The following NFATC1 variants were observed in gnomAD, a reference collection of about 807,000 sequenced individuals.
NFATC1 encodes the protein nuclear factor of activated T cells 1.
A neutral mutation model predicts 76.0 loss-of-function variants in NFATC1; 22 were observed. The observed-to-expected ratio is 0.29, with a 90% CI of 0.21 to 0.41. The LOEUF is 0.41. Ranked by LOEUF, NFATC1 falls within the 10% of genes least tolerant of loss-of-function variation. NFATC1 has a pLI of 1.00. For missense variants in NFATC1, 1,357 were observed against 1,337.7 expected (o/e 1.01, Z -0.23); for synonymous variants, 704 against 613.1 (o/e 1.15, Z -2.19).
chr18:79,519,393 T>C (rs569860257), intron 9 of NFATC1, among the ~76,000 whole-genome samples: 2 of 152,242 alleles, frequency 1.3e-5, no homozygotes, highest in South Asian at 4.2e-4. Flanking sequence ...AATGCAGTGG[T>C]ACAATCTCAG....
chr18:79,492,940 T>G (rs1295304757), intron 9 of NFATC1, among the ~76,000 whole-genome samples: 4 of 149,588 alleles, frequency 2.7e-5, no homozygotes, highest in Non-Finnish European at 5.9e-5. Flanking sequence ...ATTTCTTTGC[T>G]TTCCAGTCCT....
chr18:79,411,874 C>A (rs2148193933), intron 2 of NFATC1, among the ~76,000 whole-genome samples: 1 of 152,340 alleles, frequency 6.6e-6, no homozygotes, highest in East Asian at 1.9e-4. Flanking sequence ...ACGCCATCCG[C>A]CCCTAAGGAG....
intron 7 of NFATC1, among the ~76,000 whole-genome samples, chr18:79,464,982 G>A (rs1175859565): frequency 6.6e-6 from 1 of 152,052 alleles, no homozygotes; most frequent in East Asian, 1.9e-4. Flanking sequence ...TGGGATGACA[G>A]GTGTGAGCCA....
At chr18:79,489,579 C>G (rs1240220459) in intron 9 of NFATC1, among the ~76,000 whole-genome samples, 1 of 152,234 alleles carries the variant, frequency 6.6e-6, no homozygotes, top group African/African-American at 2.4e-5. Flanking sequence ...CAGCGGGCCT[C>G]TCTCCCCATT....
intron 7 of NFATC1, among the ~76,000 whole-genome samples, chr18:79,464,175 C>T (rs976111419): frequency 2.6e-5 from 4 of 152,154 alleles, no homozygotes; most frequent in East Asian, 1.9e-4. Context: ...TTGCAGCCTC[C>T]GCCTCCCAGG....
chr18:79,491,135 T>G (rs1269624447), intron 9 of NFATC1, among the ~76,000 whole-genome samples: 1 of 151,986 alleles, frequency 6.6e-6, no homozygotes, highest in Non-Finnish European at 1.5e-5. Flanking sequence ...GGGTAGTCCT[T>G]GTTTAGTATT....
chr18:79,461,007 C>T (rs1349247230), intron 6 of NFATC1, among the ~76,000 whole-genome samples: 2 of 152,238 alleles, frequency 1.3e-5, no homozygotes, highest in Admixed American at 1.3e-4. Context: ...AGGACGGATT[C>T]CTGAGGATGC....
rs931785607 is a variant in NFATC1 at position 79,528,084 on chromosome 18, C to T, written c.*507C>T. 5 of 402,192 alleles carry T rather than the reference C, an allele frequency of 1.2e-5. No individual in the cohort carries two copies. Among genetic ancestry groups the T allele is most frequent in the Non-Finnish European group, 2.2e-5 (5 of 228,576 alleles). The allele number at this position is 402,192 out of a possible 1,614,324, so 24.9% of individuals were successfully genotyped here. A position where few individuals can be genotyped will look rare whatever the true frequency, so the allele number is the denominator to read the frequency against. ...AGAACGCTGGAAGGCTGCGAGAGGACTCTAGTATGAGTCTCCAACATTTGG... is the reference window on the plus strand; with the variant it reads ...AGAACGCTGGAAGGCTGCGAGAGGATTCTAGTATGAGTCTCCAACATTTGG... On this transcript the variant is annotated 3_prime_UTR_variant, in exon 10 of 10. Transcript: ENST00000427363.
chr18:79,526,006 C>T (rs1480411474), intron 9 of NFATC1, among the ~76,000 whole-genome samples: 1 of 152,220 alleles, frequency 6.6e-6, no homozygotes, highest in Non-Finnish European at 1.5e-5. Context: ...GCACAGTGGG[C>T]GGGAGGCCGC....
intron 8 of NFATC1, 84 bp downstream of exon 8, chr18:79,467,666 A>C (rs1261329785): frequency 3.8e-6 from 6 of 1,585,884 alleles, no homozygotes; most frequent in Non-Finnish European, 5.2e-6. Flanking sequence ...CGTCGCCGTA[A>C]AGCAGCGTGG....
At chr18:79,476,696 C>G (rs1050384890) in intron 8 of NFATC1, among the ~76,000 whole-genome samples, 1 of 152,176 alleles carries the variant, frequency 6.6e-6, no homozygotes, top group Non-Finnish European at 1.5e-5. Context: ...TCACCCCGAC[C>G]GACACACAGG....
intron 6 of NFATC1, among the ~76,000 whole-genome samples, chr18:79,460,561 C>T (rs1468987797): frequency 6.6e-6 from 1 of 152,222 alleles, no homozygotes; most frequent in Non-Finnish European, 1.5e-5. Flanking sequence ...CTCTGGGAGC[C>T]TTTTTATTTT....
intron 9 of NFATC1, among the ~76,000 whole-genome samples, chr18:79,491,544 C>T (rs1021019854): frequency 1.3e-5 from 2 of 152,218 alleles, no homozygotes; most frequent in African/African-American, 4.8e-5. Flanking sequence ...CGATCGGACA[C>T]AAGGCCAGGG....
chr18:79,484,839 G>C (rs1282900583), intron 8 of NFATC1, among the ~76,000 whole-genome samples: 1 of 152,140 alleles, frequency 6.6e-6, no homozygotes, highest in Admixed American at 6.5e-5. Flanking sequence ...CGACCGCCGG[G>C]ACCTGTGCGG....
chr18:79,451,184 C>G, intron 5 of NFATC1, 58 bp downstream of exon 5: 1 of 1,535,696 alleles, frequency 6.5e-7, no homozygotes. Flanking sequence ...ATGCGCTTCA[C>G]TGTCTCACCC....
At chr18:79,466,490 T>A (rs979493435) in intron 7 of NFATC1, among the ~76,000 whole-genome samples, 1 of 152,328 alleles carries the variant, frequency 6.6e-6, no homozygotes, top group Admixed American at 6.5e-5. Context: ...GGGGTCTCCG[T>A]GTCCCAGCCC....
chr18:79,411,184 C>T lies in NFATC1; in HGVS notation c.909C>T (p.Asn303=). 6.2e-7 allele frequency: 1 copy of T among 1,611,660 alleles called. No homozygotes were observed. The change falls in exon 2 of 10, where the codon AAC becomes AAT. Residue 303 remains asparagine (N), a synonymous_variant. Transcript: ENST00000427363. The part of the protein sequence containing the change: ...VSVTDDSWLG[N]TTQYTSSAIV... ...TGACCGACGACTCGTGGTTGGGCAA[C>T]ACCACCCAGTACACCAGCTCGGCCA... is the stretch of plus-strand genomic sequence containing the variant.
chr18:79,481,562 C>A (rs2089271825), intron 8 of NFATC1, among the ~76,000 whole-genome samples: 1 of 152,262 alleles, frequency 6.6e-6, no homozygotes, highest in Admixed American at 6.5e-5. Context: ...CCAGAGGCAG[C>A]CACATTCAGG....
At position 79,451,744 on chromosome 18, in the gene NFATC1, G is replaced by A. The variant is rs2087482610; in HGVS notation, c.1831G>A (p.Gly611Arg). 7.4e-6 allele frequency: 12 copies of A among 1,613,004 alleles called. No homozygotes were observed. The highest frequency in any genetic ancestry group is 3.3e-5 in the South Asian group (3 of 90,746). The change falls in exon 6 of 10, where the codon GGG (glycine) becomes AGG (arginine). Residue 611 changes from glycine to arginine, a missense_variant. Physicochemically the swap from Gly to Arg is moderately radical, Grantham distance 125. Transcript: ENST00000427363. ...CACGGACAGCTATCCGGTCGTGGGC[G>A]GGAAGAAGATGGTCCTGTCTGGCCA... is the stretch of plus-strand genomic sequence containing the variant. ...QSTDSYPVVGGKKMVLSGHNF... is the reference protein window; with the variant it reads ...QSTDSYPVVGRKKMVLSGHNF...
Sources: gnomAD v4.1 joint callset for allele counts (sites outside exome capture counted in the v4.1 genomes callset) on GRCh38, gnomAD v4.1.1 for gene constraint, MANE v1.5 for transcripts, NCBI Gene and HGNC (gene_info 2026-07-23, HGNC 2026-07-21) for gene names.